Variants in USP37 observed in about 807,000 individuals in gnomAD.
The protein encoded by USP37 is ubiquitin carboxyl-terminal hydrolase 37.
USP37 carries 27 observed loss-of-function variants against 124.0 expected under a neutral mutation model. The ratio of observed to expected loss-of-function variants is 0.22; its 90% CI spans 0.16 to 0.30. The LOEUF (loss-of-function observed/expected upper bound fraction) is 0.30. Ranked by LOEUF, USP37 falls within the 10% of genes least tolerant of loss-of-function variation. The pLI, the probability that USP37 is intolerant of heterozygous loss-of-function variation, is 1.00. For synonymous variants in USP37, 365 were observed against 388.0 expected (o/e 0.94, Z 0.70); for missense variants, 889 against 1,140.4 (o/e 0.78, Z 3.17).
intron 15 of USP37, among the ~76,000 whole-genome samples, chr2:218,487,529 T>C (rs1691641852): frequency 6.6e-6 from 1 of 152,160 alleles, no homozygotes; most frequent in Admixed American, 6.5e-5. Flanking sequence ...CAAGTGATTT[T>C]CCTGCCTCAG....
At chr2:218,476,562 G>A (rs1690994129) in intron 19 of USP37, among the ~76,000 whole-genome samples, 1 of 152,116 alleles carries the variant, frequency 6.6e-6, no homozygotes, top group Non-Finnish European at 1.5e-5. Flanking sequence ...GCAACAGAGC[G>A]ATACCCTGTC....
At chr2:218,467,225 T>C (rs1319592795) in intron 20 of USP37, among the ~76,000 whole-genome samples, 2 of 127,092 alleles carry the variant, frequency 1.6e-5, no homozygotes, top group East Asian at 2.7e-4. Context: ...AGTGGCTCAC[T>C]GCAACCTCCA....
intron 3 of USP37, among the ~76,000 whole-genome samples, chr2:218,560,161 G>A (rs1257767140): frequency 6.6e-6 from 1 of 152,046 alleles, no homozygotes; most frequent in Non-Finnish European, 1.5e-5. Flanking sequence ...TTAAAATTGC[G>A]AACTCAAATT....
chr2:218,506,399 T>C (rs1382793764), intron 11 of USP37, among the ~76,000 whole-genome samples: 3 of 147,096 alleles, frequency 2.0e-5, no homozygotes, highest in Non-Finnish European at 3.0e-5. Flanking sequence ...CAAGAAATTC[T>C]CCTGCTTCAG....
intron 8 of USP37, among the ~76,000 whole-genome samples, chr2:218,539,456 C>A (rs1405263836): frequency 6.6e-6 from 1 of 151,646 alleles, no homozygotes; most frequent in African/African-American, 2.4e-5. Context: ...GGCTCACACC[C>A]GTAATCCCAA....
intron 4 of USP37, among the ~76,000 whole-genome samples, chr2:218,554,638 T>C (rs764719597): frequency 1.3e-5 from 2 of 151,804 alleles, no homozygotes; most frequent in Non-Finnish European, 1.5e-5. Context: ...TCCCAACTAC[T>C]CGGGAGGCTG....
chr2:218,507,914 T>C (rs1313282878), intron 11 of USP37, among the ~76,000 whole-genome samples: 1 of 152,210 alleles, frequency 6.6e-6, no homozygotes, highest in Non-Finnish European at 1.5e-5. Context: ...AGTATTTTGC[T>C]ACTTATTATT....
intron 5 of USP37, among the ~76,000 whole-genome samples, chr2:218,551,065 C>T (rs1165559285): frequency 6.6e-6 from 1 of 151,876 alleles, no homozygotes; most frequent in African/African-American, 2.4e-5. Context: ...TTTTTTTTTA[C>T]ATTCAAATCT....
intron 5 of USP37, among the ~76,000 whole-genome samples, chr2:218,550,701 G>A (rs1218854525): frequency 6.6e-6 from 1 of 150,648 alleles, no homozygotes; most frequent in Non-Finnish European, 1.5e-5. Flanking sequence ...CCCTCACACT[G>A]CTACCAATGT....
intron 10 of USP37, among the ~76,000 whole-genome samples, chr2:218,527,031 A>G (rs688116): frequency 0.65 from 97,628 of 151,256 alleles, 31,781 homozygotes; most frequent in East Asian, 0.9. Flanking sequence ...CTCGTGATCC[A>G]CCCGCCTCGG....
At chr2:218,544,406 A>AT (rs1553557242) in intron 8 of USP37, among the ~76,000 whole-genome samples, 20 of 82,960 alleles carry the variant, frequency 2.4e-4, no homozygotes, top group African/African-American at 9.0e-4. Flanking sequence ...AAAAAAAAAA[A>AT]ATATATATAT....
chr2:218,479,692 T>A lies in USP37; in HGVS notation c.1859A>T (p.Gln620Leu). ...GCTGGTGATGCAGGAATTCACCATT[T>A]GAGAGGCTTTCAATGGTCTAGAACT... ...MAISRPLKAS[Q>L]MVNSCITSPS... Residue 620 changes from glutamine (Q) to leucine (L), a missense_variant, in exon 18 of 26, where the codon CAA (glutamine) becomes CTA (leucine). Gln to Leu is a moderately radical substitution (Grantham distance 113, BLOSUM62 -2). Coordinates refer to ENST00000258399, the MANE Select transcript of USP37 (RefSeq NM_020935.3). 1 of 1,612,286 alleles carries A rather than the reference T, an allele frequency of 6.2e-7. No homozygotes were observed. The highest frequency in any genetic ancestry group is 1.1e-5 in the South Asian group (1 of 90,980).
chr2:218,499,045 C>T (rs1169756503), intron 11 of USP37, among the ~76,000 whole-genome samples: 1 of 152,046 alleles, frequency 6.6e-6, no homozygotes, highest in Non-Finnish European at 1.5e-5. Flanking sequence ...GAGGCCAAGG[C>T]GGGTGGATCA....
rs1574931663 is a variant in USP37, at chr2:218,530,025, T to C, written c.794A>G (p.Gln265Arg). 6.2e-7 allele frequency: 1 copy of C among 1,610,108 alleles called. No individual in the cohort carries two copies. The highest frequency in any genetic ancestry group is 8.5e-7 in the Non-Finnish European group (1 of 1,178,980). ...TCTGCTACCATAAAAGGATGATGAC[T>C]GTAAAGGTAAAAGCCCTATAAAACA... Reference protein sequence around the residue: ...ENRTSGLLPLQSSSFYGSRAG... With the variant: ...ENRTSGLLPLRSSSFYGSRAG... The change falls in exon 10 of 26, where the codon CAG (glutamine) becomes CGG (arginine). Residue 265 changes from glutamine (Q) to arginine (R), a missense_variant. Around this residue, in one of 3 missense-constraint regions of USP37, gnomAD observed 374 missense variants for 386.0 expected, o/e 0.97. Coordinates refer to ENST00000258399, the MANE Select transcript of USP37 (RefSeq NM_020935.3).
chr2:218,520,478 T>C (rs1166187412), intron 10 of USP37, among the ~76,000 whole-genome samples: 1 of 151,728 alleles, frequency 6.6e-6, no homozygotes, highest in African/African-American at 2.4e-5. Context: ...GCATCCCGAG[T>C]AACTGGGATT....
chr2:218,534,743 G>A, intron 8 of USP37, 37 bp from the exon 9 acceptor site: 1 of 1,356,750 alleles, frequency 7.4e-7, no homozygotes, highest in Non-Finnish European at 1.0e-6. Flanking sequence ...TAGTACAGGT[G>A]TATAAAAATA....
Position 218,546,309 on chromosome 2 carries a change from C to A in USP37, c.603-11G>T. 6.3e-7 allele frequency: 1 copy of A among 1,594,548 alleles called. No individual in the cohort carries two copies. The highest frequency in any genetic ancestry group is 8.5e-7 in the Non-Finnish European group (1 of 1,170,914). On this transcript the variant is annotated splice_polypyrimidine_tract_variant and intron_variant, in intron 7 of 25. Coordinates refer to ENST00000258399, the MANE Select transcript of USP37 (RefSeq NM_020935.3). ...TTCCTCTTTTCAGTACTACAGAGAA[C>A]AAAGAAAAGGTTACTTTTAAAAAGC...
At chr2:218,534,808 T>C in intron 8 of USP37, 102 bp from the exon 9 acceptor site, 1 of 613,738 alleles carries the variant, frequency 1.6e-6, no homozygotes, top group East Asian at 3.6e-5. Flanking sequence ...AAGTGCCAAA[T>C]TCATTGATAT....
chr2:218,544,457 A>AGAGAGAGAGG (rs1692214075), intron 8 of USP37, among the ~76,000 whole-genome samples: 1 of 144,738 alleles, frequency 6.9e-6, no homozygotes, highest in Non-Finnish European at 1.5e-5. Flanking sequence ...AGAGAGAGAG[A>AGAGAGAGAGG]GAGACCCCAA....
Sources: gnomAD v4.1 joint callset for allele counts (sites outside exome capture counted in the v4.1 genomes callset) on GRCh38, gnomAD v4.1.1 for gene constraint, gnomAD v4.1.1 regional missense constraint, MANE v1.5 for transcripts, NCBI Gene and HGNC (gene_info 2026-07-23, HGNC 2026-07-21) for gene names.